The following DALRD3 variants were observed in gnomAD, a reference collection of about 807,000 sequenced individuals.
DALRD3 encodes the protein DALR anticodon binding domain containing 3, also known as DALR anticodon-binding domain-containing protein 3.
In DALRD3, 47 loss-of-function variants were observed where a neutral mutation model predicts 56.7. The ratio of observed to expected loss-of-function variants is 0.83; its 90% CI spans 0.66 to 1.06. The LOEUF (loss-of-function observed/expected upper bound fraction) is 1.06. Among genes scored for constraint, DALRD3 ranks in the 50% least tolerant of loss-of-function variants. DALRD3 has a pLI of 0.00. For missense variants in DALRD3, 787 were observed against 724.0 expected, an observed-to-expected ratio of 1.09 and a Z score of -1.00; for synonymous variants, 347 against 308.5, an observed-to-expected ratio of 1.12 and a Z score of -1.31.
chr3:49,018,352 C>A, intron 1 of DALRD3, 34 bp from the exon 2 acceptor site: 1 of 1,514,266 alleles, frequency 6.6e-7, no homozygotes, highest in East Asian at 2.5e-5. Flanking sequence ...AGAGCCACGG[C>A]ACGGGGCCCA....
Position 49,016,466 on chromosome 3 carries a change from A to G in DALRD3, c.1109T>C (p.Ile370Thr). The change falls in exon 8 of 12, where the codon ATC becomes ACC. Residue 370 changes from isoleucine (I) to threonine (T), a missense_variant. Ile to Thr is a moderately conservative substitution (Grantham distance 89). Coordinates refer to ENST00000341949, the MANE Select transcript of DALRD3 (RefSeq NM_001009996.3). ...EIFGVLSVAT[I>T]KFEMLSTAPQ... ...GGCTGTGCTCAGCATCTCAAACTTG[A>G]TGGTGGCCACAGAGAGAACACCAAA... is the stretch of plus-strand genomic sequence containing the variant. 6.2e-7 allele frequency: 1 copy of G among 1,614,022 alleles called. No homozygotes were observed. Among genetic ancestry groups the G allele is most frequent in the Non-Finnish European group, 8.5e-7 (1 of 1,179,984 alleles).
chr3:49,019,925 C>T (rs961208009), upstream of DALRD3, among the ~76,000 whole-genome samples: 3 of 152,246 alleles, frequency 2.0e-5, no homozygotes, highest in Admixed American at 6.5e-5. Flanking sequence ...TATCTTGCTC[C>T]TCTACCAATA....
chr3:49,015,747 C>T (rs2093055109), intron 11 of DALRD3, 40 bp from the exon 12 acceptor site: 2 of 1,613,986 alleles, frequency 1.2e-6, no homozygotes, highest in African/African-American at 2.7e-5. Flanking sequence ...CCTCTGCTTC[C>T]TTTGCCTTTA....
chr3:49,019,479 C>CTTT (rs938684705), upstream of DALRD3, among the ~76,000 whole-genome samples: 2 of 134,622 alleles, frequency 1.5e-5, no homozygotes, highest in Non-Finnish European at 3.2e-5. Context: ...AATTACCAGA[C>CTTT]TTTTTTTTTT....
At position 49,018,337 on chromosome 3, in the gene DALRD3, G is replaced by T; in HGVS notation, c.166-19C>A. On this transcript the variant is annotated intron_variant, in intron 1 of 11. Coordinates refer to ENST00000341949, the MANE Select transcript of DALRD3 (RefSeq NM_001009996.3). ...CCGGAACCTGCGGGAGAACGGGCGT[G>T]TAAAAGAGCCACGGCACGGGGCCCA... is the stretch of plus-strand genomic sequence containing the variant. 6.7e-7 allele frequency: 1 copy of T among 1,493,288 alleles called. No homozygotes were observed. Among genetic ancestry groups the T allele is most frequent in the Non-Finnish European group, 8.9e-7 (1 of 1,128,234 alleles). 92.5% of individuals were successfully genotyped at this position (1,493,288 alleles called of 1,614,324 possible).
At position 49,018,450 on chromosome 3, in the gene DALRD3, C is replaced by T; in HGVS notation, c.115G>A (p.Asp39Asn). The change falls in exon 1 of 12, where the codon GAC becomes AAC. Residue 39 changes from aspartate (D) to asparagine (N), a missense_variant. Coordinates refer to ENST00000341949, the MANE Select transcript of DALRD3 (RefSeq NM_001009996.3). The part of the protein sequence containing the change: ...ETRTRHLRSR[D>N]FLAPHRALQA... Reference sequence around the variant, plus strand: ...AGCGCGCGGTGCGGTGCCAGAAAGTCTCGGGAACGCAGGTGGCGGGTGCGC... The same window carrying T: ...AGCGCGCGGTGCGGTGCCAGAAAGTTTCGGGAACGCAGGTGGCGGGTGCGC... 1 of 1,589,286 alleles carries T rather than the reference C, an allele frequency of 6.3e-7. No homozygotes were observed.
upstream of DALRD3, among the ~76,000 whole-genome samples, chr3:49,019,890 A>G (rs1333062791): frequency 1.3e-5 from 2 of 152,254 alleles, no homozygotes; most frequent in Non-Finnish European, 2.9e-5. Flanking sequence ...ATGCGACCAT[A>G]ATAGAAAATA....
chr3:49,020,031 G>A, upstream of DALRD3: 1 of 450,832 alleles, frequency 2.2e-6, no homozygotes, highest in Non-Finnish European at 4.5e-6. Context: ...CCTTTTAATA[G>A]AGAAGCTAAC....
upstream of DALRD3, among the ~76,000 whole-genome samples, chr3:49,019,614 G>C (rs549303702): frequency 9.7e-4 from 147 of 151,716 alleles, no homozygotes; most frequent in Non-Finnish European, 1.4e-3. Flanking sequence ...CAAGTAGCTG[G>C]GATTACAGGC....
chr3:49,020,645 A>G (rs758441628), upstream of DALRD3: 3 of 488,404 alleles, frequency 6.1e-6, no homozygotes, highest in Admixed American at 4.5e-5. Context: ...ACGAAATCCA[A>G]GCGCAGCTGG....
chr3:49,020,030 A>T, upstream of DALRD3: 1 of 455,950 alleles, frequency 2.2e-6, no homozygotes, highest in Non-Finnish European at 4.5e-6. Context: ...TCCTTTTAAT[A>T]GAGAAGCTAA....
At position 49,016,611 on chromosome 3, in the gene DALRD3, C is replaced by T. The variant is rs1169541143; in HGVS notation, c.1063+1G>A. The T allele has an allele frequency of 6.3e-7, 1 of 1,585,086 alleles. No individual in the cohort carries two copies. The highest frequency in any genetic ancestry group is 1.7e-5 in the Admixed American group (1 of 57,528). On this transcript the variant is annotated splice_donor_variant, in intron 7 of 11. Coordinates refer to ENST00000341949, the MANE Select transcript of DALRD3 (RefSeq NM_001009996.3). LOFTEE classifies it high-confidence loss of function. ...ACATAGCCAGGGTTTCCCAGGCACA[C>T]CTTGTGCCAGATCCCCACCATGCTT...
At chr3:49,018,357 G>A (rs1275000583) in intron 1 of DALRD3, 39 bp from the exon 2 acceptor site, 2 of 1,520,876 alleles carry the variant, frequency 1.3e-6, no homozygotes, top group East Asian at 2.5e-5. Flanking sequence ...CACGGCACGG[G>A]GCCCATCTCC....
At chr3:49,018,721 C>T, upstream of DALRD3, 1 of 1,396,886 alleles carries the variant, frequency 7.2e-7, no homozygotes, top group Non-Finnish European at 9.2e-7. Context: ...CTACCGCCCC[C>T]AGCGCCCCTT....
chr3:49,020,394 C>T (rs2093143240), upstream of DALRD3: 1 of 404,584 alleles, frequency 2.5e-6, no homozygotes, highest in Non-Finnish European at 5.2e-6. Context: ...CTGAGGCAGC[C>T]CTGGGGGAGT....
rs1394121297 is a variant in DALRD3, at chr3:49,016,797, C to T, written c.978G>A (p.Leu326=). 2 of 1,614,222 alleles carry T rather than the reference C, an allele frequency of 1.2e-6. No individual in the cohort carries two copies. The highest frequency in any genetic ancestry group is 1.7e-6 in the Non-Finnish European group (2 of 1,180,040). The change falls in exon 6 of 12, where the codon CTG becomes CTA. Residue 326 remains leucine, a synonymous_variant. Transcript: ENST00000341949. ...PVKVAGAPGT[L]MTAPEYYEFR... is the part of the protein sequence containing the mutation. ...ACTCGTAGTACTCAGGGGCAGTCAT[C>T]AGAGTGCCAGGTGCACCAGCTACTT...
upstream of DALRD3, chr3:49,018,630 G>C (rs958607406): frequency 2.0e-6 from 3 of 1,465,676 alleles, no homozygotes; most frequent in African/African-American, 2.9e-5. Flanking sequence ...GGAAAGGACC[G>C]ACTAGCTGGG....
intron 10 of DALRD3, 38 bp downstream of exon 10, chr3:49,015,935 G>A (rs746172211): frequency 1.2e-6 from 2 of 1,614,046 alleles, no homozygotes; most frequent in Non-Finnish European, 1.7e-6. Flanking sequence ...CCAGAATAAA[G>A]AATAGAGTGT....
chr3:49,016,289 C>T lies in DALRD3; in HGVS notation c.1198G>A (p.Gly400Ser). 6.2e-7 allele frequency: 1 copy of T among 1,613,214 alleles called. No individual in the cohort carries two copies. Among genetic ancestry groups the T allele is most frequent in the East Asian group, 2.2e-5 (1 of 44,844 alleles). The part of the protein sequence containing the change: ...SSISTKGTKS[G>S]TFVMYNCARL... The stretch of plus-strand genomic sequence containing the variant: ...GCACAATTATACATGACAAAGGTGC[C>T]ACTCTTTGTGCCCTTCGTGGAGATA... Residue 400 changes from glycine (G) to serine (S), a missense_variant, in exon 9 of 12, where the codon GGC becomes AGC. By Grantham distance (56) the Gly-to-Ser change is moderately conservative. Coordinates refer to ENST00000341949, the MANE Select transcript of DALRD3 (RefSeq NM_001009996.3).
Sources: allele counts gnomAD v4.1 joint callset (sites outside exome capture counted in the v4.1 genomes callset), GRCh38; gene constraint gnomAD v4.1.1; transcripts MANE v1.5; gene names NCBI Gene and HGNC (gene_info 2026-07-23, HGNC 2026-07-21).